The following SERPINB11 variants were observed in gnomAD, a reference collection of about 807,000 sequenced individuals.
SERPINB11 encodes serpin family B member 11, also known as serpin B11.
Under a neutral mutation model 36.7 loss-of-function variants are expected in SERPINB11, and 32 were observed. The ratio of observed to expected loss-of-function variants is 0.87; its 90% CI spans 0.66 to 1.17. SERPINB11 has a LOEUF of 1.17. Ranked by LOEUF, SERPINB11 falls within the 50% of genes most tolerant of loss-of-function variation. The pLI is 0.00. For missense variants in SERPINB11, 528 were observed against 458.4 expected, an observed-to-expected ratio of 1.15 and a Z score of -1.39; for synonymous variants, 174 against 168.1, an observed-to-expected ratio of 1.04 and a Z score of -0.27.
intron 4 of SERPINB11, among the ~76,000 whole-genome samples, chr18:63,715,240 T>C (rs1267985126): frequency 6.6e-6 from 1 of 152,146 alleles, no homozygotes; most frequent in Non-Finnish European, 1.5e-5. Flanking sequence ...AATTGCATCA[T>C]GGTAAACTCA....
At chr18:63,714,201 G>A (rs1299946836) in intron 4 of SERPINB11, among the ~76,000 whole-genome samples, 6 of 152,062 alleles carry the variant, frequency 3.9e-5, no homozygotes, top group South Asian at 2.1e-4. Context: ...CCCCCAAGCC[G>A]CAAAACCAGC....
intron 1 of SERPINB11, among the ~76,000 whole-genome samples, chr18:63,707,696 C>T (rs1343428009): frequency 6.6e-6 from 1 of 152,222 alleles, no homozygotes. Context: ...TGCATACCAG[C>T]ATATCACACA....
rs953695 is a variant in SERPINB11 at position 63,723,336 on chromosome 18, T to G, written c.1116T>G (p.Leu372=). The stretch of plus-strand genomic sequence containing the variant: ...AGTTCAAGGCGAACCACCCCTTCCT[T>G]TTCTTTATAAGGCACACTCATACCA... ...RAQFKANHPF[L]FFIRHTHTNT... Residue 372 remains leucine (L), a synonymous_variant, in exon 8 of 8, where the codon CTT becomes CTG. Transcript: ENST00000544088. The G allele has an allele frequency of 0.72, 1,167,705 of 1,613,374 alleles. 424,267 individuals are homozygous for G. The highest frequency in any genetic ancestry group is 0.85 in the East Asian group (38,257 of 44,868).
intron 4 of SERPINB11, among the ~76,000 whole-genome samples, chr18:63,714,098 G>T (rs1238666727): frequency 1.3e-5 from 2 of 152,072 alleles, no homozygotes; most frequent in African/African-American, 4.8e-5. Context: ...TGTGTCGGCT[G>T]GTCTGAGAAA....
At chr18:63,722,198 C>T (rs1292848653) in intron 7 of SERPINB11, among the ~76,000 whole-genome samples, 1 of 152,062 alleles carries the variant, frequency 6.6e-6, no homozygotes, top group African/African-American at 2.4e-5. Context: ...GGAAAAGATA[C>T]TTTGGAAGAA....
chr18:63,716,717 A>G (rs1430681639), intron 5 of SERPINB11, among the ~76,000 whole-genome samples: 1 of 152,030 alleles, frequency 6.6e-6, no homozygotes, highest in Non-Finnish European at 1.5e-5. Flanking sequence ...AACCGCTACA[A>G]TTCATTACTT....
chr18:63,714,512 AC>A (rs1308098287), intron 4 of SERPINB11, among the ~76,000 whole-genome samples: 3 of 152,064 alleles, frequency 2.0e-5, no homozygotes, highest in Non-Finnish European at 4.4e-5. Flanking sequence ...CTTATCTACA[AC>A]TGTATAAGAC....
chr18:63,711,205 C>G (rs1331238700), intron 2 of SERPINB11, 130 bp from the exon 3 acceptor site: 4 of 697,092 alleles, frequency 5.7e-6, no homozygotes, highest in African/African-American at 5.4e-5. Flanking sequence ...GGACTTGGAA[C>G]ACATTATTAA....
At chr18:63,712,432 C>T (rs905446454) in intron 3 of SERPINB11, 133 bp from the exon 4 acceptor site, 9 of 864,418 alleles carry the variant, frequency 1.0e-5, no homozygotes, top group African/African-American at 1.7e-5. Flanking sequence ...GAAGAAAATG[C>T]TTTAAACTAA....
At chr18:63,707,864 T>C (rs1378437758) in intron 1 of SERPINB11, among the ~76,000 whole-genome samples, 1 of 152,156 alleles carries the variant, frequency 6.6e-6, no homozygotes, top group Admixed American at 6.5e-5. Flanking sequence ...GGGAATCAGA[T>C]AATAAATACA....
intron 7 of SERPINB11, 140 bp from the exon 8 acceptor site, chr18:63,722,855 C>A (rs372792006): frequency 1.3e-6 from 1 of 779,206 alleles, no homozygotes. Flanking sequence ...TGATTTTGTT[C>A]CCAGGTAAGT....
At position 63,703,007 on chromosome 18, in the gene SERPINB11, G is replaced by A. The variant is rs1218477514; in HGVS notation, c.-16+1G>A. 1 of 152,190 alleles carries A rather than the reference G, an allele frequency of 6.6e-6. No individual in the cohort carries two copies. Among genetic ancestry groups the A allele is most frequent in the Non-Finnish European group, 1.5e-5 (1 of 68,020 alleles). 9.4% of individuals were successfully genotyped at this position (152,190 alleles called of 1,614,324 possible). A position where few individuals can be genotyped will look rare whatever the true frequency, so the allele number is the denominator to read the frequency against. On this transcript the variant is annotated splice_donor_variant, in intron 1 of 7. Coordinates refer to ENST00000544088, the MANE Select transcript of SERPINB11 (RefSeq NM_001370475.1). LOFTEE classifies it low-confidence loss of function (5UTR_SPLICE). ...ACTTCACTACTGGAAAGCAACAAAG[G>A]TAAGAGAAATGTTTCTGTACGTTAT...
intron 1 of SERPINB11, among the ~76,000 whole-genome samples, chr18:63,706,270 A>G (rs1914370311): frequency 2.0e-5 from 3 of 152,240 alleles, no homozygotes. Context: ...CACAAGTGAC[A>G]TATATTCCCT....
At chr18:63,710,493 T>A (rs778641052) in intron 2 of SERPINB11, 132 bp downstream of exon 2, 3 of 658,980 alleles carry the variant, frequency 4.6e-6, no homozygotes, top group Non-Finnish European at 7.2e-6. Flanking sequence ...ATTGAATAAA[T>A]CATATTTCTT....
rs754745717 is a variant in SERPINB11, at chr18:63,712,699, T to G, written c.357+6T>G. On this transcript the variant is annotated splice_donor_region_variant and intron_variant, in intron 4 of 7. Transcript: ENST00000544088. Reference sequence around the variant, plus strand: ...AGACGATGGCATTTCATCAGGTAAGTCCATTTGGAAGAGTGATCAACAACT... The same window carrying G: ...AGACGATGGCATTTCATCAGGTAAGGCCATTTGGAAGAGTGATCAACAACT... The G allele has an allele frequency of 6.2e-7, 1 of 1,611,286 alleles. No homozygotes were observed. The highest frequency in any genetic ancestry group is 8.5e-7 in the Non-Finnish European group (1 of 1,178,586).
At position 63,720,127 on chromosome 18, in the gene SERPINB11, C is replaced by G. The variant is rs745709589; in HGVS notation, c.590C>G (p.Thr197Arg). 6.2e-7 allele frequency: 1 copy of G among 1,607,786 alleles called. No individual in the cohort carries two copies. The highest frequency in any genetic ancestry group is 8.5e-7 in the Non-Finnish European group (1 of 1,175,634). ...CAAAATAAATTTCAAGTAAGAGAGA[C>G]AGTTAAAAGTCCTTTTCAGCTAAGT... ...QWQNKFQVRE[T>R]VKSPFQLSEG... Residue 197 changes from threonine to arginine, a missense_variant, in exon 6 of 8, where the codon ACA (threonine) becomes AGA (arginine). Coordinates refer to ENST00000544088, the MANE Select transcript of SERPINB11 (RefSeq NM_001370475.1).
At chr18:63,712,828 C>T in intron 4 of SERPINB11, 135 bp downstream of exon 4, 1 of 997,368 alleles carries the variant, frequency 1.0e-6, no homozygotes, top group Non-Finnish European at 1.5e-6. Context: ...CTTACAGTTT[C>T]AGTGAAATGG....
intron 7 of SERPINB11, among the ~76,000 whole-genome samples, chr18:63,721,459 C>T (rs891010951): frequency 7.2e-5 from 11 of 152,152 alleles, no homozygotes; most frequent in East Asian, 1.9e-4. Context: ...TGGTCATGGC[C>T]GTGAAAGGAG....
chr18:63,704,778 A>C (rs990269965), intron 1 of SERPINB11, among the ~76,000 whole-genome samples: 18 of 152,322 alleles, frequency 1.2e-4, no homozygotes, highest in Admixed American at 4.6e-4. Context: ...AATAATACAC[A>C]TATAGTACTG....
Sources: allele counts gnomAD v4.1 joint callset (sites outside exome capture counted in the v4.1 genomes callset), GRCh38; gene constraint gnomAD v4.1.1; transcripts MANE v1.5; gene names NCBI Gene and HGNC (gene_info 2026-07-23, HGNC 2026-07-21).